The following ETV1 variants were observed in gnomAD, a reference collection of about 807,000 sequenced individuals.
The protein encoded by ETV1 is ETS variant transcription factor 1, also known as ETS translocation variant 1.
ETV1 carries 27 observed loss-of-function variants against 62.3 expected under a neutral mutation model. The ratio of observed to expected loss-of-function variants is 0.43; its 90% CI spans 0.32 to 0.60. The LOEUF is 0.60. Ranked by LOEUF, ETV1 falls within the 20% of genes least tolerant of loss-of-function variation. The pLI is 0.06. For missense variants in ETV1, 605 were observed against 605.8 expected (o/e 1.00, Z 0.01); for synonymous variants, 222 against 199.6 (o/e 1.11, Z -0.94).
intron 9 of ETV1, 34 bp downstream of exon 9, chr7:13,931,468 C>T (rs188430527): frequency 4.4e-5 from 71 of 1,612,592 alleles, no homozygotes; most frequent in Middle Eastern, 3.5e-4. Flanking sequence ...TGAAAAAGTG[C>T]CTTGAATGTA....
chr7:13,939,747 C>T (rs1787257089), intron 6 of ETV1, among the ~76,000 whole-genome samples: 4 of 152,160 alleles, frequency 2.6e-5, no homozygotes, highest in Admixed American at 2.0e-4. Flanking sequence ...CCAGAAGTGA[C>T]TGATATTACT....
intron 6 of ETV1, among the ~76,000 whole-genome samples, chr7:13,948,790 G>A (rs1295774246): frequency 6.6e-6 from 1 of 152,184 alleles, no homozygotes; most frequent in African/African-American, 2.4e-5. Context: ...AAACACCAAA[G>A]TGGCTGGATG....
At chr7:13,924,366 C>A (rs1488855100) in intron 9 of ETV1, among the ~76,000 whole-genome samples, 1 of 152,150 alleles carries the variant, frequency 6.6e-6, no homozygotes, top group African/African-American at 2.4e-5. Context: ...TTCAAAAGAG[C>A]TATTATAAAA....
chr7:13,967,118 A>T (rs915644914), intron 6 of ETV1, among the ~76,000 whole-genome samples: 2 of 152,194 alleles, frequency 1.3e-5, no homozygotes, highest in Non-Finnish European at 2.9e-5. Flanking sequence ...AATAACAGTA[A>T]TGGATACGGA....
intron 10 of ETV1, among the ~76,000 whole-genome samples, 197 bp downstream of exon 10, chr7:13,911,040 CAT>C (rs1468449360): frequency 6.6e-6 from 1 of 152,162 alleles, no homozygotes; most frequent in African/African-American, 2.4e-5. Flanking sequence ...TGTTTCTACG[CAT>C]ATGACTCATG....
At chr7:13,922,321 T>G (rs1297893168) in intron 9 of ETV1, among the ~76,000 whole-genome samples, 1 of 152,152 alleles carries the variant, frequency 6.6e-6, no homozygotes, top group East Asian at 1.9e-4. Context: ...TCAAAGGGAA[T>G]ATGAATAGAA....
intron 6 of ETV1, among the ~76,000 whole-genome samples, chr7:13,949,388 G>T (rs1336784890): frequency 6.6e-6 from 1 of 152,148 alleles, no homozygotes; most frequent in Non-Finnish European, 1.5e-5. Flanking sequence ...TTAGTGCTCA[G>T]TTAAATTCTA....
intron 5 of ETV1, 102 bp downstream of exon 5, chr7:13,986,536 G>T: frequency 6.4e-7 from 1 of 1,572,032 alleles, no homozygotes; most frequent in African/African-American, 1.4e-5. Flanking sequence ...CTCTTTTAGA[G>T]CTCAATTAAT....
At chr7:13,970,862 T>A (rs1780827039) in intron 6 of ETV1, among the ~76,000 whole-genome samples, 1 of 152,164 alleles carries the variant, frequency 6.6e-6, no homozygotes, top group Non-Finnish European at 1.5e-5. Flanking sequence ...CAGACCTGAC[T>A]GACTTCAGTT....
intron 6 of ETV1, among the ~76,000 whole-genome samples, chr7:13,943,203 G>T (rs549237860): frequency 5.3e-5 from 8 of 152,276 alleles, no homozygotes; most frequent in African/African-American, 1.9e-4. Flanking sequence ...CAGATATCCA[G>T]ATGGCAAAAC....
At chr7:13,943,358 T>C (rs1018136171) in intron 6 of ETV1, among the ~76,000 whole-genome samples, 1 of 152,204 alleles carries the variant, frequency 6.6e-6, no homozygotes, top group African/African-American at 2.4e-5. Context: ...CTGCAAAAGA[T>C]AGACATTATG....
chr7:13,954,388 C>T (rs1288873575), intron 6 of ETV1, among the ~76,000 whole-genome samples: 1 of 152,086 alleles, frequency 6.6e-6, no homozygotes, highest in Non-Finnish European at 1.5e-5. Flanking sequence ...TGGTACATGG[C>T]TTACAAAGTG....
chr7:13,977,382 C>T (rs2066977), intron 6 of ETV1, 45 bp downstream of exon 6: 691,331 of 1,295,638 alleles, frequency 0.53, 187,238 homozygotes, highest in Admixed American at 0.64. Flanking sequence ...AAGAAGGAAA[C>T]CAGAAAGACA....
rs569619526 is a variant in ETV1, at chr7:13,988,729, A to G, written c.45+279T>C. 5 of 1,612,712 alleles carry G rather than the reference A, an allele frequency of 3.1e-6. No homozygotes were observed. The South Asian group carries it at 3.3e-5, about 11-fold the overall frequency. Reference sequence around the variant, plus strand: ...AAACCCAGCCAAAAACTTTGAGTGCAGCAGCTGCTGCTGCCCTCCATCTCC... The same window carrying G: ...AAACCCAGCCAAAAACTTTGAGTGCGGCAGCTGCTGCTGCCCTCCATCTCC... On this transcript the variant is annotated intron_variant, in intron 3 of 13. Coordinates refer to ENST00000430479, the MANE Select transcript of ETV1 (RefSeq NM_004956.5).
chr7:13,939,143 A>G lies in ETV1; in HGVS notation c.339T>C (p.Tyr113=), dbSNP rs1380214980. Reference sequence around the variant, plus strand: ...TGACATTGTACAGGCACTTTTCTCCATAGCTGAATTTAAAGGGCTGTTCTT... The same window carrying G: ...TGACATTGTACAGGCACTTTTCTCCGTAGCTGAATTTAAAGGGCTGTTCTT... The part of the protein sequence containing the change: ...CSQEQPFKFS[Y]GEKCLYNVSA... The change falls in exon 7 of 14, where the codon TAT becomes TAC. Residue 113 remains tyrosine (Y), a synonymous_variant. Coordinates refer to ENST00000430479, the MANE Select transcript of ETV1 (RefSeq NM_004956.5). 1.2e-6 allele frequency: 2 copies of G among 1,613,248 alleles called. No homozygotes were observed. The highest frequency in any genetic ancestry group is 1.1e-5 in the South Asian group (1 of 90,992).
Position 13,893,140 on chromosome 7 carries a change from A to G in ETV1, c.*2726T>C. ...GTTTGTTGCAATTAATCTATTGGGT[A>G]TTAACATGTCATCATCAAGAGACAG... On this transcript the variant is annotated 3_prime_UTR_variant, in exon 14 of 14. Transcript: ENST00000430479. The G allele has an allele frequency of 8.6e-6, 2 of 232,588 alleles. No individual in the cohort carries two copies. 14.4% of individuals were successfully genotyped at this position (232,588 alleles called of 1,614,324 possible).
chr7:13,991,177 G>A (rs1025198516), upstream of ETV1: 1 of 152,250 alleles, frequency 6.6e-6, no homozygotes, highest in Admixed American at 6.5e-5. Context: ...AGAGATTCCA[G>A]GAAGCGCCTG....
At chr7:13,939,708 A>G (rs538323344) in intron 6 of ETV1, among the ~76,000 whole-genome samples, 8 of 152,354 alleles carry the variant, frequency 5.3e-5, no homozygotes, top group African/African-American at 1.9e-4. Context: ...TGACAACTAG[A>G]CTGGGGCAAA....
At chr7:13,947,912 A>T (rs922989458) in intron 6 of ETV1, among the ~76,000 whole-genome samples, 2 of 152,202 alleles carry the variant, frequency 1.3e-5, no homozygotes, top group Non-Finnish European at 1.5e-5. Flanking sequence ...TTGGTGTTTT[A>T]AAAATTCCCT....
Sources: gnomAD v4.1 joint callset for allele counts (sites outside exome capture counted in the v4.1 genomes callset) on GRCh38, gnomAD v4.1.1 for gene constraint, MANE v1.5 for transcripts, NCBI Gene and HGNC (gene_info 2026-07-23, HGNC 2026-07-21) for gene names.